The following ZDHHC20 variants were observed in gnomAD, a reference collection of about 807,000 sequenced individuals.
ZDHHC20 encodes palmitoyltransferase ZDHHC20.
ZDHHC20 carries 43 observed loss-of-function variants against 57.8 expected under a neutral mutation model. The observed-to-expected ratio is 0.74, with a 90% CI of 0.58 to 0.96. ZDHHC20 has a LOEUF of 0.96. Among genes scored for constraint, ZDHHC20 ranks in the 40% least tolerant of loss-of-function variants. The probability of loss-of-function intolerance (pLI) is 0.00; values close to 1 mark genes in which losing one functional copy is unlikely to be tolerated. For synonymous variants in ZDHHC20, 157 were observed against 153.0 expected (o/e 1.03, Z -0.19); for missense variants, 391 against 441.1 (o/e 0.89, Z 1.02).
chr13:21,415,939 A>T (rs1400672255), intron 3 of ZDHHC20, among the ~76,000 whole-genome samples: 1 of 152,034 alleles, frequency 6.6e-6, no homozygotes, highest in Non-Finnish European at 1.5e-5. Context: ...GTGGTGGCTC[A>T]CATCTATAAT....
intron 4 of ZDHHC20, among the ~76,000 whole-genome samples, chr13:21,404,869 C>T (rs1174198437): frequency 2.0e-5 from 3 of 151,942 alleles, no homozygotes; most frequent in East Asian, 1.9e-4. Context: ...ATACATCTTT[C>T]GGATGTCAAT....
chr13:21,432,761 GC>G (rs529092491), intron 1 of ZDHHC20, among the ~76,000 whole-genome samples: 1 of 152,130 alleles, frequency 6.6e-6, no homozygotes, highest in African/African-American at 2.4e-5. Flanking sequence ...GACCCACCAT[GC>G]CCCCCCATGT....
intron 1 of ZDHHC20, among the ~76,000 whole-genome samples, chr13:21,429,134 T>C (rs1881628456): frequency 6.6e-6 from 1 of 152,202 alleles, no homozygotes. Flanking sequence ...GATACTCACT[T>C]TATCAGTATA....
intron 1 of ZDHHC20, among the ~76,000 whole-genome samples, chr13:21,443,351 G>A (rs1004661603): frequency 6.6e-6 from 1 of 151,996 alleles, no homozygotes; most frequent in Non-Finnish European, 1.5e-5. Flanking sequence ...TTTCCCACTC[G>A]GGATAGGGTT....
At chr13:21,407,156 T>C (rs1352641286) in intron 4 of ZDHHC20, among the ~76,000 whole-genome samples, 2 of 151,536 alleles carry the variant, frequency 1.3e-5, no homozygotes, top group South Asian at 2.1e-4. Flanking sequence ...GTCCAGCTAA[T>C]TTTTTTTTGT....
intron 7 of ZDHHC20, among the ~76,000 whole-genome samples, chr13:21,396,654 G>A (rs770113979): frequency 5.9e-5 from 9 of 151,894 alleles, no homozygotes; most frequent in African/African-American, 9.7e-5. Context: ...CCAACATGGC[G>A]AAACCCTGTC....
intron 8 of ZDHHC20, among the ~76,000 whole-genome samples, chr13:21,389,644 C>T (rs1045727422): frequency 1.3e-5 from 2 of 152,104 alleles, no homozygotes; most frequent in Non-Finnish European, 2.9e-5. Flanking sequence ...CACATACCTA[C>T]GGGGGCTGGG....
chr13:21,429,454 G>A (rs1080426), intron 1 of ZDHHC20, among the ~76,000 whole-genome samples: 39,392 of 151,934 alleles, frequency 0.26, 5,932 homozygotes, highest in South Asian at 0.33. Context: ...TAAATTCCAC[G>A]GTTTCTGATG....
At chr13:21,449,535 A>T (rs187806865) in intron 1 of ZDHHC20, among the ~76,000 whole-genome samples, 1 of 152,340 alleles carries the variant, frequency 6.6e-6, no homozygotes, top group African/African-American at 2.4e-5. Context: ...CAGAACTCAC[A>T]TATCTACCAC....
chr13:21,457,923 A>G (rs1300175356), intron 1 of ZDHHC20, among the ~76,000 whole-genome samples: 2 of 152,226 alleles, frequency 1.3e-5, no homozygotes, highest in East Asian at 3.8e-4. Flanking sequence ...CTAAGGACTA[A>G]GAGTAGAACA....
At chr13:21,376,773 A>G in intron 12 of ZDHHC20, 118 bp from the exon 13 acceptor site, 1 of 555,754 alleles carries the variant, frequency 1.8e-6, no homozygotes, top group South Asian at 2.9e-5. Flanking sequence ...TGGAAAATGA[A>G]TTCCTTAACA....
intron 1 of ZDHHC20, among the ~76,000 whole-genome samples, chr13:21,434,524 T>C (rs1002459829): frequency 6.6e-5 from 10 of 152,166 alleles, no homozygotes; most frequent in Non-Finnish European, 1.3e-4. Context: ...CATATTAGAG[T>C]TTAATTTGTA....
At chr13:21,446,380 A>G (rs1022552566) in intron 1 of ZDHHC20, among the ~76,000 whole-genome samples, 2 of 152,332 alleles carry the variant, frequency 1.3e-5, no homozygotes, top group Middle Eastern at 3.4e-3. Context: ...TGCTGAGGAT[A>G]TCCTTTTCAT....
intron 7 of ZDHHC20, among the ~76,000 whole-genome samples, chr13:21,398,308 C>CA (rs1877114702): frequency 1.3e-5 from 2 of 151,838 alleles, no homozygotes; most frequent in Non-Finnish European, 2.9e-5. Flanking sequence ...ACTAAAAATA[C>CA]AAAAAATTAG....
chr13:21,400,867 C>A (rs1312946378), intron 6 of ZDHHC20, among the ~76,000 whole-genome samples: 1 of 152,090 alleles, frequency 6.6e-6, no homozygotes, highest in Non-Finnish European at 1.5e-5. Context: ...CCCAACACAA[C>A]AGCCGGCTAA....
chr13:21,384,364 C>T (rs577524919), intron 9 of ZDHHC20, among the ~76,000 whole-genome samples: 3 of 149,078 alleles, frequency 2.0e-5, no homozygotes, highest in South Asian at 2.2e-4. Context: ...CGCTTGAACC[C>T]GGGAGGCGGA....
intron 7 of ZDHHC20, among the ~76,000 whole-genome samples, chr13:21,394,461 A>G (rs1876397569): frequency 6.6e-6 from 1 of 152,254 alleles, no homozygotes; most frequent in South Asian, 2.1e-4. Context: ...CTCCTTCTCA[A>G]AAGCAAGCTC....
At chr13:21,443,159 A>G (rs1883347292) in intron 1 of ZDHHC20, among the ~76,000 whole-genome samples, 1 of 152,028 alleles carries the variant, frequency 6.6e-6, no homozygotes, top group Non-Finnish European at 1.5e-5. Flanking sequence ...CTTTCTCTTT[A>G]CTATTAAATA....
Position 21,418,099 on chromosome 13 carries a change from A to G in ZDHHC20, c.249+2962T>C, listed in dbSNP as rs55842166. Among the ~76,000 whole-genome samples, 700 of 152,376 alleles carry G rather than the reference A, an allele frequency of 4.6e-3. 10 individuals are homozygous for G. The highest frequency in any genetic ancestry group is 0.016 in the African/African-American group (661 of 41,586). On this transcript the variant is annotated intron_variant, in intron 3 of 12. Transcript: ENST00000400590. Reference sequence around the variant, plus strand: ...TTACTGAAAATCCACTATGTGCCAGATAGTGTGGGAAGGGATATAGTGCAG... The same window carrying G: ...TTACTGAAAATCCACTATGTGCCAGGTAGTGTGGGAAGGGATATAGTGCAG...
Sources: allele counts gnomAD v4.1 joint callset (sites outside exome capture counted in the v4.1 genomes callset), GRCh38; gene constraint gnomAD v4.1.1; transcripts MANE v1.5; gene names NCBI Gene and HGNC (gene_info 2026-07-23, HGNC 2026-07-21).